KCNH5: variants seen among roughly 807,000 people sequenced by gnomAD.
KCNH5 encodes the protein voltage-gated delayed rectifier potassium channel KCNH5.
Under a neutral mutation model 96.1 loss-of-function variants are expected in KCNH5, and 46 were observed. The observed-to-expected ratio is 0.48, with a 90% CI of 0.38 to 0.61. KCNH5 has a LOEUF of 0.61. Ranked by LOEUF, KCNH5 falls within the 20% of genes least tolerant of loss-of-function variation. KCNH5 has a pLI of 0.00. For synonymous variants in KCNH5, 439 were observed against 449.8 expected (o/e 0.98, Z 0.30); for missense variants, 907 against 1,225.8 (o/e 0.74, Z 3.88).
Position 63,006,426 on chromosome 14 carries a change from T to G in KCNH5, c.244A>C (p.Arg82=), listed in dbSNP as rs1594671813. 2 of 1,613,164 alleles carry G rather than the reference T, an allele frequency of 1.2e-6. No homozygotes were observed. The highest frequency in any genetic ancestry group is 3.3e-5 in the Admixed American group (2 of 60,016). The change falls in exon 3 of 11, where the codon AGG becomes CGG. Residue 82 remains arginine, a synonymous_variant. Transcript: ENST00000322893. ...LTDKKTIEKV[R]QTFDNYESNC... is the part of the protein sequence containing the mutation. ...GATTCGTAGTTGTCAAAAGTTTGCC[T>G]GACTTTCTCAATGGTCTTCTTGTCA...
chr14:62,966,612 A>G (rs1177422124), intron 6 of KCNH5, among the ~76,000 whole-genome samples: 1 of 152,202 alleles, frequency 6.6e-6, no homozygotes, highest in African/African-American at 2.4e-5. Flanking sequence ...CTCCCTTAGC[A>G]GGACCTTCTT....
intron 10 of KCNH5, among the ~76,000 whole-genome samples, chr14:62,717,337 T>C (rs1393344212): frequency 1.3e-5 from 2 of 152,132 alleles, no homozygotes; most frequent in Non-Finnish European, 2.9e-5. Context: ...GAAACAATAT[T>C]GGAAAAAGAG....
At chr14:62,929,166 T>C (rs767476683) in intron 7 of KCNH5, among the ~76,000 whole-genome samples, 1 of 151,710 alleles carries the variant, frequency 6.6e-6, no homozygotes, top group Non-Finnish European at 1.5e-5. Context: ...AAAAAAACTC[T>C]TGGAGTCATC....
intron 1 of KCNH5, among the ~76,000 whole-genome samples, chr14:63,031,889 G>A (rs892379342): frequency 2.0e-5 from 3 of 151,818 alleles, no homozygotes; most frequent in East Asian, 1.9e-4. Flanking sequence ...TTTTTAAGAC[G>A]TGTAGAAAAA....
chr14:62,728,463 T>G (rs776945562), intron 10 of KCNH5, among the ~76,000 whole-genome samples: 1 of 151,998 alleles, frequency 6.6e-6, no homozygotes, highest in Non-Finnish European at 1.5e-5. Flanking sequence ...TCTGGTATTG[T>G]TTTTATAAGA....
At chr14:62,886,158 AC>A (rs1566695058) in intron 7 of KCNH5, among the ~76,000 whole-genome samples, 2 of 137,806 alleles carry the variant, frequency 1.5e-5, no homozygotes, top group African/African-American at 5.6e-5. Context: ...ACACACACAC[AC>A]AAGAATATCA....
chr14:62,984,405 C>A (rs1890666627), intron 5 of KCNH5, among the ~76,000 whole-genome samples: 1 of 152,076 alleles, frequency 6.6e-6, no homozygotes, highest in Non-Finnish European at 1.5e-5. Context: ...GGGATCAGCT[C>A]CAAATTTGGG....
intron 10 of KCNH5, among the ~76,000 whole-genome samples, chr14:62,752,826 A>G (rs1423224609): frequency 6.6e-6 from 1 of 152,114 alleles, no homozygotes. Flanking sequence ...CTTGTGAAGA[A>G]GGTGCTTGTT....
chr14:62,726,342 C>A (rs1884924941), intron 10 of KCNH5, among the ~76,000 whole-genome samples: 1 of 151,370 alleles, frequency 6.6e-6, no homozygotes, highest in South Asian at 2.1e-4. Flanking sequence ...TGACAGACAC[C>A]AAGAGGATAA....
At chr14:62,877,413 C>A (rs1337389456) in intron 7 of KCNH5, among the ~76,000 whole-genome samples, 1 of 151,950 alleles carries the variant, frequency 6.6e-6, no homozygotes, top group Non-Finnish European at 1.5e-5. Flanking sequence ...AGGCAACCTA[C>A]AAAATGGGAG....
intron 7 of KCNH5, among the ~76,000 whole-genome samples, chr14:62,876,658 T>C (rs1888379249): frequency 6.6e-6 from 1 of 152,122 alleles, no homozygotes; most frequent in South Asian, 2.1e-4. Flanking sequence ...TCCTGGACAA[T>C]AAAATCCACA....
At chr14:62,858,236 G>T (rs113046795) in intron 7 of KCNH5, among the ~76,000 whole-genome samples, 44 of 152,276 alleles carry the variant, frequency 2.9e-4, no homozygotes, top group African/African-American at 9.9e-4. Flanking sequence ...CCATTCTGTA[G>T]TCCTTTTGCC....
At chr14:62,787,107 T>C (rs916654782) in intron 9 of KCNH5, among the ~76,000 whole-genome samples, 3 of 152,152 alleles carry the variant, frequency 2.0e-5, no homozygotes, top group East Asian at 1.9e-4. Flanking sequence ...AAAGCTAAAA[T>C]AGGCTAAAAG....
chr14:63,010,795 G>GT (rs1311190037), intron 2 of KCNH5, among the ~76,000 whole-genome samples: 1 of 152,236 alleles, frequency 6.6e-6, no homozygotes, highest in East Asian at 1.9e-4. Context: ...AGTACCTAGC[G>GT]TAAGAATGGC....
intron 3 of KCNH5, 32 bp downstream of exon 3, chr14:63,006,334 T>C: frequency 1.6e-6 from 2 of 1,282,140 alleles, no homozygotes; most frequent in East Asian, 2.3e-5. Flanking sequence ...AATAAAGAGT[T>C]GGCACATCTT....
intron 6 of KCNH5, among the ~76,000 whole-genome samples, chr14:62,972,278 A>C (rs1890423395): frequency 6.6e-6 from 1 of 152,220 alleles, no homozygotes; most frequent in Admixed American, 6.5e-5. Flanking sequence ...TTAAAACATC[A>C]AAAGAGATAC....
chr14:62,785,016 C>T (rs890163586), intron 9 of KCNH5, among the ~76,000 whole-genome samples: 1 of 152,108 alleles, frequency 6.6e-6, no homozygotes, highest in Non-Finnish European at 1.5e-5. Context: ...TCAGAATTCA[C>T]TTTGTGTAAT....
intron 2 of KCNH5, 69 bp downstream of exon 2, chr14:63,016,762 A>C: frequency 6.6e-7 from 1 of 1,511,282 alleles, no homozygotes; most frequent in Non-Finnish European, 9.0e-7. Flanking sequence ...AAGTAAGCTT[A>C]AGCCTTTTAA....
At chr14:62,749,401 A>T (rs1885447932) in intron 10 of KCNH5, among the ~76,000 whole-genome samples, 1 of 152,154 alleles carries the variant, frequency 6.6e-6, no homozygotes, top group Non-Finnish European at 1.5e-5. Flanking sequence ...TTTAATGGCA[A>T]TTGGGGTACT....
Sources: allele counts gnomAD v4.1 joint callset (sites outside exome capture counted in the v4.1 genomes callset), GRCh38; gene constraint gnomAD v4.1.1; transcripts MANE v1.5; gene names NCBI Gene and HGNC (gene_info 2026-07-23, HGNC 2026-07-21).